The following HERC1 variants were observed in gnomAD, a reference collection of about 807,000 sequenced individuals.
HERC1 encodes the protein HECT and RLD domain containing E3 ubiquitin protein ligase family member 1, also known as probable E3 ubiquitin-protein ligase HERC1.
Under a neutral mutation model 554.3 loss-of-function variants are expected in HERC1, and 160 were observed. The ratio of observed to expected loss-of-function variants is 0.29; its 90% CI spans 0.25 to 0.33. HERC1 has a LOEUF of 0.33. Among genes scored for constraint, HERC1 ranks in the 10% least tolerant of loss-of-function variants. The probability of loss-of-function intolerance (pLI) is 1.00; values close to 1 mark genes in which losing one functional copy is unlikely to be tolerated. For missense variants in HERC1, 4,919 were observed against 5,918.5 expected (o/e 0.83, Z 5.54); for synonymous variants, 2,175 against 2,131.7 (o/e 1.02, Z -0.56).
rs774012171 is a variant in HERC1 at position 63,623,810 on chromosome 15, G to A, written c.13526C>T (p.Ser4509Phe). Residue 4509 changes from serine (S) to phenylalanine (F), a missense_variant, in exon 73 of 78, where the codon TCC becomes TTC. Around this residue, in one of 11 missense-constraint regions of HERC1, gnomAD observed 410 missense variants for 467.0 expected, o/e 0.88. Transcript: ENST00000443617. ...KLNASDLRLP[S>F]RAWKVKLVGE... is the part of the protein sequence containing the mutation. ...AACCAGCTTAACCTTCCACGCTCGG[G>A]AAGGCAGGCGGAGGTCTGAAGCATT... 6.2e-7 allele frequency: 1 copy of A among 1,614,010 alleles called. No individual in the cohort carries two copies. The highest frequency in any genetic ancestry group is 2.2e-5 in the East Asian group (1 of 44,884).
intron 34 of HERC1, among the ~76,000 whole-genome samples, chr15:63,681,213 T>C (rs947214681): frequency 6.6e-6 from 1 of 152,144 alleles, no homozygotes; most frequent in African/African-American, 2.4e-5. Flanking sequence ...GTTTTTAATT[T>C]TCTAAAGAGA....
rs537679991 is a variant in HERC1 at position 63,749,802 on chromosome 15, C to G, written c.1903-11G>C. ...GCCCCAAGCATAGACCTGAAAAAAA[C>G]AGAAATACGTTACACATAACTTCCT... On this transcript the variant is annotated splice_polypyrimidine_tract_variant and intron_variant, in intron 8 of 77. Transcript: ENST00000443617. The surrounding 1 kb of genome is among the most constrained non-coding windows in gnomAD (Gnocchi z 4.1). The G allele has an allele frequency of 1.3e-6, 2 of 1,535,108 alleles. No individual in the cohort carries two copies. Among genetic ancestry groups the G allele is most frequent in the South Asian group, 1.3e-5 (1 of 79,660 alleles).
At chr15:63,725,541 T>C (rs2074005698) in intron 17 of HERC1, 28 bp from the exon 18 acceptor site, 5 of 1,562,046 alleles carry the variant, frequency 3.2e-6, no homozygotes, top group Admixed American at 1.7e-5. Flanking sequence ...AGTTATTGTG[T>C]CTTTATCTGG....
At chr15:63,644,957 G>C in intron 57 of HERC1, 35 bp downstream of exon 57, 4 of 1,471,498 alleles carry the variant, frequency 2.7e-6, no homozygotes, top group Non-Finnish European at 3.8e-6. Context: ...ACTTTCCATA[G>C]TTTCAGACAG....
At position 63,749,037 on chromosome 15, in the gene HERC1, C is replaced by T. The variant is rs1384517073; in HGVS notation, c.2219+330G>A. Among the ~76,000 whole-genome samples, 1 of 151,016 alleles carries T rather than the reference C, an allele frequency of 6.6e-6. No individual in the cohort carries two copies. Among genetic ancestry groups the T allele is most frequent in the African/African-American group, 2.4e-5 (1 of 41,138 alleles). On this transcript the variant is annotated intron_variant, in intron 10 of 77. Transcript: ENST00000443617. This position sits in a 1 kb window ranked among gnomAD's most constrained non-coding sequence, Gnocchi z 4.1. ...AACATTAAATCAATAAAGCCTAGTT[C>T]TGATTTTAATTATTTTAATTTCCTC...
In HERC1 at chr15:63,608,989, A is replaced by C; in HGVS notation, c.*92T>G. 9.1e-7 allele frequency: 1 copy of C among 1,099,574 alleles called. No individual in the cohort carries two copies. The highest frequency in any genetic ancestry group is 3.0e-5 in the Admixed American group (1 of 33,328). The allele number at this position is 1,099,574 out of a possible 1,614,324, so 68.1% of individuals were successfully genotyped here. A position where few individuals can be genotyped will look rare whatever the true frequency, so the allele number is the denominator to read the frequency against. Reference sequence around the variant, plus strand: ...TATAATGTTGGTTTATGTTCTTATAACATCTATGTAGTTACCATAAAAGTA... The same window carrying C: ...TATAATGTTGGTTTATGTTCTTATACCATCTATGTAGTTACCATAAAAGTA... On this transcript the variant is annotated 3_prime_UTR_variant, in exon 78 of 78. Coordinates refer to ENST00000443617, the MANE Select transcript of HERC1 (RefSeq NM_003922.4).
At chr15:63,615,205 G>A (rs555140963) in intron 76 of HERC1, among the ~76,000 whole-genome samples, 4 of 152,194 alleles carry the variant, frequency 2.6e-5, no homozygotes, top group Non-Finnish European at 5.9e-5. Context: ...AGGTCTGAAT[G>A]CCAGATGAAA....
At chr15:63,658,449 TA>T in intron 48 of HERC1, 94 bp downstream of exon 48, 1 of 1,101,402 alleles carries the variant, frequency 9.1e-7, no homozygotes, top group Non-Finnish European at 1.3e-6. Context: ...TTCAAGCTTC[TA>T]AAATTCTATC....
rs570986507 is a variant in HERC1, at chr15:63,733,280, A to G, written c.2647-135T>C. The G allele has an allele frequency of 8.0e-6, 5 of 623,312 alleles. No homozygotes were observed. In the South Asian group the frequency reaches 1.0e-4, roughly 13 times the overall value. The allele number at this position is 623,312 out of a possible 1,614,324, so 38.6% of individuals were successfully genotyped here. A position where few individuals can be genotyped will look rare whatever the true frequency, so the allele number is the denominator to read the frequency against. The stretch of plus-strand genomic sequence containing the variant: ...AATCATCTTCAGGAAGTACATAATT[A>G]TAAAAACTACCCAATTAATCCCATT... On this transcript the variant is annotated intron_variant, in intron 13 of 77. Coordinates refer to ENST00000443617, the MANE Select transcript of HERC1 (RefSeq NM_003922.4).
Position 63,677,095 on chromosome 15 carries a change from A to G in HERC1, c.7070+750T>C, listed in dbSNP as rs1348171353. 6.6e-6 allele frequency among the ~76,000 whole-genome samples: 1 copy of G among 152,194 alleles called. No homozygotes were observed. Among genetic ancestry groups the G allele is most frequent in the African/African-American group, 2.4e-5 (1 of 41,454 alleles). On this transcript the variant is annotated intron_variant, in intron 37 of 77. Transcript: ENST00000443617. The surrounding 1 kb of genome is among the most constrained non-coding windows in gnomAD (Gnocchi z 4.4). Reference sequence around the variant, plus strand: ...AAAATCCCAAATCTGAAATGCTCCAATGGGCAACTCCTTTGAGTGAAAACC... The same window carrying G: ...AAAATCCCAAATCTGAAATGCTCCAGTGGGCAACTCCTTTGAGTGAAAACC...
chr15:63,672,228 G>A (rs1037095554), intron 39 of HERC1, among the ~76,000 whole-genome samples: 8 of 152,118 alleles, frequency 5.3e-5, no homozygotes, highest in Non-Finnish European at 8.8e-5. Flanking sequence ...ATCATCATAA[G>A]AGAGAGAATG....
chr15:63,830,897 G>A (rs1418598093), intron 1 of HERC1, among the ~76,000 whole-genome samples: 2 of 152,154 alleles, frequency 1.3e-5, no homozygotes, highest in East Asian at 1.9e-4. Flanking sequence ...CATCTAGTAA[G>A]TAAACAACTA....
In HERC1 at chr15:63,612,423, C is replaced by T. The variant is rs1566937233; in HGVS notation, c.14228G>A (p.Arg4743Gln). 1.2e-6 allele frequency: 2 copies of T among 1,614,024 alleles called. No homozygotes were observed. Among genetic ancestry groups the T allele is most frequent in the African/African-American group, 1.3e-5 (1 of 75,050 alleles). ...ATGCTGCTCATCCACCTCACGGTAC[C>T]GCACCACTTTCTTCAAGACTTCCAC... ...ISVEVLKKVV[R>Q]YREVDEQHQL... The change falls in exon 77 of 78, where the codon CGG (arginine) becomes CAG (glutamine). Residue 4743 changes from arginine (R) to glutamine (Q), a missense_variant. Coordinates refer to ENST00000443617, the MANE Select transcript of HERC1 (RefSeq NM_003922.4). This position sits in a 1 kb window ranked among gnomAD's most constrained non-coding sequence, Gnocchi z 5.0.
rs768722207 is a variant in HERC1 at position 63,658,651 on chromosome 15, T to G, written c.9492A>C (p.Leu3164=). The part of the protein sequence containing the change: ...RITLGEQAAA[L]ANPHDRVVAL... ...CCACCACACGGTCATGAGGGTTTGC[T>G]AGGGCAGCTGCCTGCTCTCCTAACG... Residue 3164 remains leucine, a synonymous_variant, in exon 48 of 78, where the codon CTA becomes CTC. Transcript: ENST00000443617. 24 of 1,613,806 alleles carry G rather than the reference T, an allele frequency of 1.5e-5. No homozygotes were observed. The highest frequency in any genetic ancestry group is 1.9e-5 in the Non-Finnish European group (23 of 1,179,810).
At position 63,727,791 on chromosome 15, in the gene HERC1, T is replaced by A; in HGVS notation, c.3202A>T (p.Asn1068Tyr). Reference sequence around the variant, plus strand: ...GACACAGGGAGTAACAGCAGGGAGTTAACAATCTGGCAGAGCATACTGCCA... The same window carrying A: ...GACACAGGGAGTAACAGCAGGGAGTAAACAATCTGGCAGAGCATACTGCCA... ...AAGSMLCQIV[N>Y]SLLLLPVSVA... Residue 1068 changes from asparagine to tyrosine, a missense_variant, in exon 17 of 78, where the codon AAC becomes TAC. Coordinates refer to ENST00000443617, the MANE Select transcript of HERC1 (RefSeq NM_003922.4). The surrounding 1 kb of genome is among the most constrained non-coding windows in gnomAD (Gnocchi z 4.3). 6.2e-7 allele frequency: 1 copy of A among 1,613,858 alleles called. No individual in the cohort carries two copies. Among genetic ancestry groups the A allele is most frequent in the Non-Finnish European group, 8.5e-7 (1 of 1,179,852 alleles).
intron 14 of HERC1, among the ~76,000 whole-genome samples, chr15:63,731,724 C>A (rs565121092): frequency 3.2e-4 from 49 of 152,214 alleles, no homozygotes; most frequent in African/African-American, 1.2e-3. Context: ...TGAAGAGCCA[C>A]AGGAAACAAT....
At chr15:63,725,557 T>G (rs1409401039) in intron 17 of HERC1, 44 bp from the exon 18 acceptor site, 11 of 1,499,450 alleles carry the variant, frequency 7.3e-6, no homozygotes, top group Non-Finnish European at 1.0e-5. Flanking sequence ...TCTGGTACTT[T>G]TAAGATTCAA....
rs1180856173 is a variant in HERC1, at chr15:63,608,926, CTT to C, written c.*153_*154del. On this transcript the variant is annotated 3_prime_UTR_variant, in exon 78 of 78. Coordinates refer to ENST00000443617, the MANE Select transcript of HERC1 (RefSeq NM_003922.4). ...ACAGAAAAATAAAAACATCTAATTT[CTT>C]TGTTACATTTAGAGTAACTAAATGT... 21 of 557,468 alleles carry C rather than the reference CTT, an allele frequency of 3.8e-5. No homozygotes were observed. In the Admixed American group the frequency reaches 8.5e-4, roughly 22 times the overall value. 34.5% of individuals were successfully genotyped at this position (557,468 alleles called of 1,614,324 possible). A position where few individuals can be genotyped will look rare whatever the true frequency, so the allele number is the denominator to read the frequency against.
intron 56 of HERC1, 103 bp downstream of exon 56, chr15:63,645,380 T>A (rs1404420439): frequency 1.2e-6 from 1 of 805,328 alleles, no homozygotes; most frequent in African/African-American, 1.7e-5. Context: ...GAATAGCAAC[T>A]GGCAATAAAC....
Sources: allele counts gnomAD v4.1 joint callset (sites outside exome capture counted in the v4.1 genomes callset), GRCh38; gene constraint gnomAD v4.1.1; regional missense constraint gnomAD v4.1.1; non-coding constraint Gnocchi (gnomAD v3.1); transcripts MANE v1.5; gene names NCBI Gene and HGNC (gene_info 2026-07-23, HGNC 2026-07-21).